The following AKAP7 variants were observed in gnomAD, a reference collection of about 807,000 sequenced individuals.
AKAP7 encodes A kinase (PRKA) anchor protein 7.
A neutral mutation model predicts 39.5 loss-of-function variants in AKAP7; 39 were observed. The ratio of observed to expected loss-of-function variants is 0.99; its 90% CI spans 0.76 to 1.29. The LOEUF (loss-of-function observed/expected upper bound fraction) is 1.29. Ranked by LOEUF, AKAP7 falls within the 50% of genes most tolerant of loss-of-function variation. The probability of loss-of-function intolerance (pLI) is 0.00; values close to 1 mark genes in which losing one functional copy is unlikely to be tolerated. For missense variants in AKAP7, 414 were observed against 407.7 expected (o/e 1.02, Z -0.13); for synonymous variants, 140 against 139.1 (o/e 1.01, Z -0.05).
intron 6 of AKAP7, among the ~76,000 whole-genome samples, chr6:131,212,184 C>T (rs1201124099): frequency 1.3e-5 from 2 of 152,128 alleles, no homozygotes; most frequent in African/African-American, 2.4e-5. Context: ...AAGTCAGGGA[C>T]GATCTGTATT....
chr6:131,179,885 AAATAAATAAAT>A (rs1216873692), intron 5 of AKAP7, among the ~76,000 whole-genome samples: 1 of 151,540 alleles, frequency 6.6e-6, no homozygotes, highest in Non-Finnish European at 1.5e-5. Flanking sequence ...ATAAATAAAT[AAATAAATAAAT>A]AATAAATAAA....
chr6:131,204,812 G>A (rs1451816698), intron 6 of AKAP7, among the ~76,000 whole-genome samples: 7 of 152,168 alleles, frequency 4.6e-5, no homozygotes, highest in Non-Finnish European at 8.8e-5. Context: ...CTGGTATGGA[G>A]GGGTGGTGTA....
At chr6:131,151,703 G>C (rs1307728215) in intron 2 of AKAP7, among the ~76,000 whole-genome samples, 1 of 152,092 alleles carries the variant, frequency 6.6e-6, no homozygotes, top group African/African-American at 2.4e-5. Context: ...TCAAGATTGT[G>C]CCATTGTACT....
At chr6:131,279,277 TTTC>T (rs1320035996) in intron 7 of AKAP7, among the ~76,000 whole-genome samples, 2 of 152,124 alleles carry the variant, frequency 1.3e-5, no homozygotes, top group Non-Finnish European at 2.9e-5. Context: ...TCACTTTTTT[TTTC>T]TTCTTTTTTG....
chr6:131,196,453 G>A (rs1481939467), intron 5 of AKAP7, among the ~76,000 whole-genome samples: 2 of 151,828 alleles, frequency 1.3e-5, no homozygotes, highest in Non-Finnish European at 2.9e-5. Flanking sequence ...TAATAGAGAC[G>A]AGGTTTCACC....
At chr6:131,160,963 T>G (rs1802884598) in intron 3 of AKAP7, among the ~76,000 whole-genome samples, 1 of 144,008 alleles carries the variant, frequency 6.9e-6, no homozygotes, top group African/African-American at 2.6e-5. Flanking sequence ...AACACCTCAC[T>G]TGGAAGACTG....
intron 7 of AKAP7, among the ~76,000 whole-genome samples, chr6:131,256,024 T>C (rs1371755131): frequency 2.0e-5 from 3 of 152,198 alleles, no homozygotes; most frequent in African/African-American, 7.2e-5. Flanking sequence ...AGAGTGCAAG[T>C]TGCTGAAAGC....
chr6:131,136,386 G>A (rs754112295), intron 1 of AKAP7, among the ~76,000 whole-genome samples: 9 of 152,162 alleles, frequency 5.9e-5, no homozygotes, highest in Non-Finnish European at 1.0e-4. Context: ...TTAGAGAAAA[G>A]GTGCTCCTCT....
At chr6:131,167,728 A>G (rs1207693550) in intron 4 of AKAP7, among the ~76,000 whole-genome samples, 1 of 152,176 alleles carries the variant, frequency 6.6e-6, no homozygotes, top group Non-Finnish European at 1.5e-5. Flanking sequence ...TGGAAATGAG[A>G]AATGTACCAT....
At chr6:131,239,751 G>A (rs952415388) in intron 7 of AKAP7, among the ~76,000 whole-genome samples, 19 of 152,234 alleles carry the variant, frequency 1.2e-4, no homozygotes, top group Admixed American at 1.2e-3. Flanking sequence ...TTGGTTTTCA[G>A]CTTCATCAGG....
At position 131,282,398 on chromosome 6, in the gene AKAP7, G is replaced by C. The variant is rs1474312431; in HGVS notation, c.*672G>C. The C allele has an allele frequency of 3.4e-6, 5 of 1,461,840 alleles. No homozygotes were observed. Among genetic ancestry groups the C allele is most frequent in the Non-Finnish European group, 4.5e-6 (5 of 1,109,410 alleles). The allele number at this position is 1,461,840 out of a possible 1,614,324, so 90.6% of individuals were successfully genotyped here. A position where few individuals can be genotyped will look rare whatever the true frequency, so the allele number is the denominator to read the frequency against. On this transcript the variant is annotated 3_prime_UTR_variant, in exon 8 of 8. Coordinates refer to ENST00000431975, the MANE Select transcript of AKAP7 (RefSeq NM_016377.4). ...GTTATTATATAATTTTTTTTTCTTA[G>C]GCAAGAAACCTATTGGAATTCGAGA...
chr6:131,172,782 A>C (rs997479758), intron 5 of AKAP7, among the ~76,000 whole-genome samples: 3 of 152,248 alleles, frequency 2.0e-5, no homozygotes, highest in Non-Finnish European at 4.4e-5. Context: ...TGCTTTTACT[A>C]TAATTCTTTT....
rs1811260539 is a variant in AKAP7, at chr6:131,238,387, T to C, written c.850+18579T>C. ...CTGAAAAGAATGTATATTCTGTTGA[T>C]TTGGGGTAGAGAGTTCTGTAGATGT... On this transcript the variant is annotated intron_variant, in intron 7 of 7. Transcript: ENST00000431975. 2.0e-5 allele frequency among the ~76,000 whole-genome samples: 3 copies of C among 152,198 alleles called. No individual in the cohort carries two copies. In the South Asian group the frequency reaches 6.2e-4, roughly 32 times the overall value.
intron 6 of AKAP7, among the ~76,000 whole-genome samples, chr6:131,210,704 A>G (rs1808564082): frequency 6.6e-6 from 1 of 152,156 alleles, no homozygotes; most frequent in Non-Finnish European, 1.5e-5. Flanking sequence ...CTTTCACAGT[A>G]ATTTCCGGTT....
At chr6:131,202,310 CAT>C (rs1284520827) in intron 6 of AKAP7, among the ~76,000 whole-genome samples, 1 of 143,520 alleles carries the variant, frequency 7.0e-6, no homozygotes, top group African/African-American at 2.6e-5. Context: ...CACGTGCACA[CAT>C]ATGTTTATTG....
chr6:131,144,421 C>G (rs940457356), intron 1 of AKAP7, among the ~76,000 whole-genome samples: 1 of 152,278 alleles, frequency 6.6e-6, no homozygotes, highest in African/African-American at 2.4e-5. Context: ...TCTTAAACAT[C>G]TTGAGTGGTA....
At chr6:131,205,349 G>C (rs746635607) in intron 6 of AKAP7, among the ~76,000 whole-genome samples, 29 of 151,820 alleles carry the variant, frequency 1.9e-4, no homozygotes, top group Non-Finnish European at 3.5e-4. Context: ...ACAGATGGCT[G>C]GTGCAGGGGA....
intron 2 of AKAP7, among the ~76,000 whole-genome samples, chr6:131,146,624 T>C (rs895155187): frequency 2.0e-5 from 3 of 152,228 alleles, no homozygotes; most frequent in African/African-American, 7.2e-5. Context: ...ATTGACTACA[T>C]ACTCTGCGCC....
intron 6 of AKAP7, among the ~76,000 whole-genome samples, chr6:131,216,443 G>A (rs1055756507): frequency 1.3e-5 from 2 of 152,124 alleles, no homozygotes; most frequent in Admixed American, 6.5e-5. Context: ...AAAAATACTC[G>A]TCATGCATTC....
Sources: gnomAD v4.1 joint callset for allele counts (sites outside exome capture counted in the v4.1 genomes callset) on GRCh38, gnomAD v4.1.1 for gene constraint, MANE v1.5 for transcripts, NCBI Gene and HGNC (gene_info 2026-07-23, HGNC 2026-07-21) for gene names.